Variants in ABCA6 observed in about 807,000 individuals in gnomAD.
ABCA6 encodes ATP-binding cassette sub-family A member 6.
A neutral mutation model predicts 191.2 loss-of-function variants in ABCA6; 164 were observed. That is an observed-to-expected ratio of 0.86 (90% CI 0.76 to 0.98). ABCA6 has a LOEUF of 0.98. Among genes scored for constraint, ABCA6 ranks in the 50% least tolerant of loss-of-function variants. The pLI is 0.00. For synonymous variants in ABCA6, 636 were observed against 647.7 expected (o/e 0.98, Z 0.27); for missense variants, 1,958 against 1,894.1 (o/e 1.03, Z -0.63).
intron 10 of ABCA6, among the ~76,000 whole-genome samples, chr17:69,121,784 G>A (rs1045203123): frequency 2.0e-5 from 3 of 151,866 alleles, no homozygotes; most frequent in Admixed American, 6.6e-5. Context: ...ATATTATTTT[G>A]TGCCCTCAAC....
intron 12 of ABCA6, 33 bp from the exon 13 acceptor site, chr17:69,114,970 G>T (rs1433369079): frequency 6.8e-7 from 1 of 1,476,898 alleles, no homozygotes; most frequent in Non-Finnish European, 9.3e-7. Context: ...AAATTGGCAA[G>T]ATAATACATT....
At chr17:69,132,494 T>G (rs1294919934) in intron 6 of ABCA6, among the ~76,000 whole-genome samples, 1 of 152,150 alleles carries the variant, frequency 6.6e-6, no homozygotes, top group Middle Eastern at 3.2e-3. Flanking sequence ...GTATGTTTGT[T>G]TGTTTTTATG....
chr17:69,104,605 T>A (rs1283672540), intron 20 of ABCA6: 1 of 145,068 alleles, frequency 6.9e-6, no homozygotes, highest in Non-Finnish European at 1.5e-5. Flanking sequence ...TGTTTTAACA[T>A]CTGAGGTACT....
intron 30 of ABCA6, among the ~76,000 whole-genome samples, chr17:69,086,340 A>C (rs2072788821): frequency 6.6e-6 from 1 of 152,010 alleles, no homozygotes; most frequent in East Asian, 1.9e-4. Flanking sequence ...CCATTTATGG[A>C]TGCATTCACT....
At chr17:69,113,579 A>G in intron 14 of ABCA6, 39 bp downstream of exon 14, 2 of 1,612,360 alleles carry the variant, frequency 1.2e-6, no homozygotes, top group Non-Finnish European at 8.5e-7. Flanking sequence ...TTTTGCAGAC[A>G]TTCGACCTGC....
chr17:69,091,238 T>G lies in ABCA6; in HGVS notation c.3433A>C (p.Thr1145Pro). The G allele has an allele frequency of 6.2e-7, 1 of 1,611,844 alleles. No homozygotes were observed. ...FFASTIMFSI[T>P]LINHFDLSIL... ...CTTAGGTCAAAATGATTGATTAAAG[T>G]GATGGAAAACATGATGGTGGAGGCC... Residue 1145 changes from threonine (T) to proline (P), a missense_variant, in exon 26 of 39, where the codon ACT becomes CCT. Transcript: ENST00000284425.
intron 25 of ABCA6, among the ~76,000 whole-genome samples, chr17:69,092,583 G>A (rs531722374): frequency 7.9e-4 from 121 of 152,312 alleles, no homozygotes; most frequent in Admixed American, 1.2e-3. Context: ...AGGCTGAAAA[G>A]ATACTTCCTT....
At chr17:69,112,372 A>G in intron 15 of ABCA6, 99 bp from the exon 16 acceptor site, 2 of 877,472 alleles carry the variant, frequency 2.3e-6, no homozygotes, top group Middle Eastern at 2.4e-4. Flanking sequence ...TGCAAAGGAG[A>G]AGTATTCAAC....
At chr17:69,121,999 T>A (rs948458133) in intron 10 of ABCA6, among the ~76,000 whole-genome samples, 1 of 152,044 alleles carries the variant, frequency 6.6e-6, no homozygotes, top group Non-Finnish European at 1.5e-5. Flanking sequence ...GTTAGGCCTC[T>A]TTGTCTTGGA....
At chr17:69,133,991 C>A in intron 5 of ABCA6, 124 bp from the exon 6 acceptor site, 1 of 621,208 alleles carries the variant, frequency 1.6e-6, no homozygotes, top group Non-Finnish European at 2.7e-6. Flanking sequence ...TGTAGTTATG[C>A]AAGATGTTCC....
intron 8 of ABCA6, among the ~76,000 whole-genome samples, chr17:69,127,612 T>C (rs2073776988): frequency 1.3e-5 from 2 of 152,210 alleles, no homozygotes. Flanking sequence ...TTTGAAAGAT[T>C]GACAATACTA....
chr17:69,079,164 C>A, intron 38 of ABCA6, 46 bp downstream of exon 38: 1 of 1,590,464 alleles, frequency 6.3e-7, no homozygotes, highest in Non-Finnish European at 8.6e-7. Flanking sequence ...ATGTTGCTTT[C>A]ATGTGAAATT....
Position 69,100,809 on chromosome 17 carries a change from G to A in ABCA6, c.3000C>T (p.Ser1000=), listed in dbSNP as rs757900822. 6.2e-7 allele frequency: 1 copy of A among 1,609,508 alleles called. No individual in the cohort carries two copies. Among genetic ancestry groups the A allele is most frequent in the Non-Finnish European group, 8.5e-7 (1 of 1,178,302 alleles). Residue 1000 remains serine, a synonymous_variant, in exon 22 of 39, where the codon AGC becomes AGT. Transcript: ENST00000284425. The stretch of plus-strand genomic sequence containing the variant: ...ATCCAATACTTACAAGAGGAAATGG[G>A]CTTGACTCAATTCGAATATGTTGTG... ...NHTQHIRIES[S]PFPLSHIGLW...
chr17:69,112,643 A>ATT (rs2073448509), intron 15 of ABCA6: 3 of 183,812 alleles, frequency 1.6e-5, no homozygotes, highest in African/African-American at 7.2e-5. Flanking sequence ...ATAGACACTG[A>ATT]AGACTCGGAA....
chr17:69,103,681 G>A (rs755832649), intron 20 of ABCA6, among the ~76,000 whole-genome samples: 2 of 151,984 alleles, frequency 1.3e-5, no homozygotes, highest in Non-Finnish European at 2.9e-5. Context: ...AGGGGGTAAG[G>A]TATGCTCTGA....
chr17:69,128,668 C>G lies in ABCA6; in HGVS notation c.1070G>C (p.Trp357Ser). ...AAAAGGGCTACAAATATTCAAAATC[C>G]ACTCCAGAGATGAAGGAAGTTGTTC... ...FYEQLPSSLE[W>S]ILNICSPFAF... The change falls in exon 8 of 39, where the codon TGG (tryptophan) becomes TCG (serine). Residue 357 changes from tryptophan to serine, a missense_variant. Trp to Ser is a radical substitution (Grantham distance 177, BLOSUM62 -3). Coordinates refer to ENST00000284425, the MANE Select transcript of ABCA6 (RefSeq NM_080284.3). 6.2e-7 allele frequency: 1 copy of G among 1,613,016 alleles called. No homozygotes were observed. Among genetic ancestry groups the G allele is most frequent in the Middle Eastern group, 1.7e-4 (1 of 6,050 alleles).
intron 31 of ABCA6, 56 bp downstream of exon 31, chr17:69,085,569 A>G: frequency 8.5e-7 from 1 of 1,174,580 alleles, no homozygotes. Context: ...ACAAAGATAT[A>G]ATCTATACGT....
chr17:69,090,790 G>T (rs2072906139), intron 26 of ABCA6, among the ~76,000 whole-genome samples: 1 of 152,144 alleles, frequency 6.6e-6, no homozygotes, highest in Non-Finnish European at 1.5e-5. Context: ...GTCAAACCAA[G>T]CACATTTTTC....
intron 8 of ABCA6, among the ~76,000 whole-genome samples, chr17:69,128,019 T>C (rs923529190): frequency 6.6e-6 from 1 of 152,094 alleles, no homozygotes. Context: ...TTGTGCAACA[T>C]CACTCCTATG....
Sources: allele counts gnomAD v4.1 joint callset (sites outside exome capture counted in the v4.1 genomes callset), GRCh38; gene constraint gnomAD v4.1.1; transcripts MANE v1.5; gene names NCBI Gene and HGNC (gene_info 2026-07-23, HGNC 2026-07-21).